Variants in SIDT1 observed in about 807,000 individuals in gnomAD.
SIDT1 encodes SID1 transmembrane family, member 1.
In SIDT1, 101 loss-of-function variants were observed where a neutral mutation model predicts 107.5. The ratio of observed to expected loss-of-function variants is 0.94; its 90% CI spans 0.80 to 1.11. The LOEUF is 1.11. Among genes scored for constraint, SIDT1 ranks in the 50% least tolerant of loss-of-function variants. The pLI is 0.00. For synonymous variants in SIDT1, 395 were observed against 398.2 expected, an observed-to-expected ratio of 0.99 and a Z score of 0.10; for missense variants, 1,076 against 1,058.2, an observed-to-expected ratio of 1.02 and a Z score of -0.23.
At chr3:113,589,299 C>T (rs2107575986) in intron 9 of SIDT1, among the ~76,000 whole-genome samples, 1 of 152,258 alleles carries the variant, frequency 6.6e-6, no homozygotes, top group Admixed American at 6.5e-5. Context: ...CTGCCTTATC[C>T]TAGCTTTGTA....
intron 19 of SIDT1, among the ~76,000 whole-genome samples, chr3:113,612,956 A>T (rs1423755525): frequency 6.6e-6 from 1 of 152,236 alleles, no homozygotes; most frequent in Admixed American, 6.5e-5. Flanking sequence ...GTGTAAGAAC[A>T]TCAAAGTCAT....
At chr3:113,629,970 TAA>T (rs1451403569), downstream of SIDT1, among the ~76,000 whole-genome samples, 1 of 152,192 alleles carries the variant, frequency 6.6e-6, no homozygotes, top group African/African-American at 2.4e-5. Context: ...TTGGAGGACA[TAA>T]AGTCATTCAG....
At chr3:113,571,050 T>G (rs1219499791) in intron 3 of SIDT1, among the ~76,000 whole-genome samples, 1 of 152,226 alleles carries the variant, frequency 6.6e-6, no homozygotes, top group Admixed American at 6.5e-5. Context: ...CTATTTCTAC[T>G]TTCTAGTTAA....
At chr3:113,623,955 CTT>C (rs750427814) in intron 23 of SIDT1, among the ~76,000 whole-genome samples, 142 of 152,340 alleles carry the variant, frequency 9.3e-4, no homozygotes, top group Admixed American at 2.9e-3. Context: ...ACATTGCAAA[CTT>C]GGTCTTCATT....
chr3:113,627,670 C>A lies in SIDT1; in HGVS notation c.2446C>A (p.Leu816Ile). ...FLVLLTLDDD[L>I]DVVRRDQIPV... ...GGTTTTGTTAACTTTGGATGATGAC[C>A]TTGATGTGGTTCGGAGAGACCAGAT... Residue 816 changes from leucine to isoleucine, a missense_variant, in exon 25 of 25, where the codon CTT (leucine) becomes ATT (isoleucine). Physicochemically the swap from Leu to Ile is conservative, Grantham distance 5 (BLOSUM62 2). Coordinates refer to ENST00000264852, the MANE Select transcript of SIDT1 (RefSeq NM_017699.3). The A allele has an allele frequency of 1.9e-6, 3 of 1,613,938 alleles. No individual in the cohort carries two copies. Among genetic ancestry groups the A allele is most frequent in the Non-Finnish European group, 2.5e-6 (3 of 1,180,018 alleles).
Position 113,566,244 on chromosome 3 carries a change from G to A in SIDT1, c.223-176G>A, listed in dbSNP as rs111323128. ...AATATGAATGAGGAGAAACAACTGG[G>A]GCATTTGGATTACCTATCATGAGAA... On this transcript the variant is annotated intron_variant, in intron 1 of 24. Coordinates refer to ENST00000264852, the MANE Select transcript of SIDT1 (RefSeq NM_017699.3). 8.4e-3 allele frequency among the ~76,000 whole-genome samples: 1,279 copies of A among 152,238 alleles called. 21 individuals carry two copies. The highest frequency in any genetic ancestry group is 0.029 in the African/African-American group (1,223 of 41,528).
intron 10 of SIDT1, among the ~76,000 whole-genome samples, chr3:113,593,543 G>A (rs1240985405): frequency 1.3e-5 from 2 of 152,204 alleles, no homozygotes; most frequent in African/African-American, 2.4e-5. Flanking sequence ...GACTGCTGCT[G>A]TAGTTGATAA....
At chr3:113,538,322 T>C (rs967205439) in intron 1 of SIDT1, among the ~76,000 whole-genome samples, 1 of 152,200 alleles carries the variant, frequency 6.6e-6, no homozygotes, top group African/African-American at 2.4e-5. Flanking sequence ...ACTCCAGTTA[T>C]GGGTCTGATG....
intron 1 of SIDT1, among the ~76,000 whole-genome samples, chr3:113,544,179 GT>G (rs1211826663): frequency 1.4e-5 from 1 of 72,182 alleles, no homozygotes; most frequent in Non-Finnish European, 2.8e-5. Context: ...CTTTTTGTTT[GT>G]TTGTTTGTTT....
chr3:113,555,594 G>A (rs541168112), intron 1 of SIDT1, among the ~76,000 whole-genome samples: 16 of 152,232 alleles, frequency 1.1e-4, no homozygotes, highest in Non-Finnish European at 1.5e-5. Flanking sequence ...TAAACAAAAG[G>A]ATGAAGGCTT....
chr3:113,609,690 G>A (rs1053530518), intron 17 of SIDT1, among the ~76,000 whole-genome samples: 1 of 152,164 alleles, frequency 6.6e-6, no homozygotes, highest in Non-Finnish European at 1.5e-5. Flanking sequence ...CTGGCTTCTG[G>A]TGTTAACTCT....
rs780142941 is a variant in SIDT1 at position 113,585,220 on chromosome 3, C to T, written c.951C>T (p.Phe317=). The change falls in exon 9 of 25, where the codon TTC becomes TTT. Residue 317 remains phenylalanine (F), a synonymous_variant. Coordinates refer to ENST00000264852, the MANE Select transcript of SIDT1 (RefSeq NM_017699.3). ...VKSSLFSVFI[F]LSFYLGCLLV... ...CCAGTCTTTTCAGTGTCTTCATCTT[C>T]CTGTCCTTCTACTTGGGATGCCTTC... The T allele has an allele frequency of 4.3e-6, 7 of 1,613,674 alleles. No homozygotes were observed. The highest frequency in any genetic ancestry group is 5.1e-6 in the Non-Finnish European group (6 of 1,179,702).
the SIDT1 span, among the ~76,000 whole-genome samples, chr3:113,634,736 G>A: frequency 6.6e-6 from 1 of 152,130 alleles, no homozygotes; most frequent in Non-Finnish European, 1.5e-5. Flanking sequence ...CCCAGGAGGC[G>A]TAGGTTGCAA....
downstream of SIDT1, among the ~76,000 whole-genome samples, chr3:113,631,266 C>T (rs1947092758): frequency 6.6e-6 from 1 of 152,168 alleles, no homozygotes; most frequent in Non-Finnish European, 1.5e-5. Flanking sequence ...CCTCCCTTCC[C>T]ACCCTGATTA....
At chr3:113,563,128 T>C (rs1007611585) in intron 1 of SIDT1, among the ~76,000 whole-genome samples, 4 of 152,134 alleles carry the variant, frequency 2.6e-5, no homozygotes, top group Non-Finnish European at 4.4e-5. Context: ...TAATTGGACA[T>C]GACAAGACAG....
At chr3:113,627,189 G>A (rs958869328) in intron 24 of SIDT1, among the ~76,000 whole-genome samples, 2 of 152,044 alleles carry the variant, frequency 1.3e-5, no homozygotes, top group Non-Finnish European at 2.9e-5. Flanking sequence ...TGACCTAAAT[G>A]TCCCCTAAGT....
At chr3:113,549,571 T>A (rs528486477) in intron 1 of SIDT1, among the ~76,000 whole-genome samples, 1 of 152,334 alleles carries the variant, frequency 6.6e-6, no homozygotes, top group Non-Finnish European at 1.5e-5. Flanking sequence ...TCTGGTAAGA[T>A]GTCTGTTTAT....
chr3:113,539,406 G>A (rs1938549240), intron 1 of SIDT1, among the ~76,000 whole-genome samples: 1 of 152,138 alleles, frequency 6.6e-6, no homozygotes, highest in African/African-American at 2.4e-5. Context: ...TCCCCAACCT[G>A]CAACCAGTCA....
At chr3:113,589,448 T>G (rs1943978069) in intron 9 of SIDT1, among the ~76,000 whole-genome samples, 1 of 152,068 alleles carries the variant, frequency 6.6e-6, no homozygotes, top group Non-Finnish European at 1.5e-5. Flanking sequence ...AGTCAATTGT[T>G]AACTAAAATT....
Sources: allele counts gnomAD v4.1 joint callset (sites outside exome capture counted in the v4.1 genomes callset), GRCh38; gene constraint gnomAD v4.1.1; transcripts MANE v1.5; gene names NCBI Gene and HGNC (gene_info 2026-07-23, HGNC 2026-07-21).